The following CORO2B variants were observed in gnomAD, a reference collection of about 807,000 sequenced individuals.
CORO2B encodes the protein coronin 2B, also known as coronin-2B.
Under a neutral mutation model 58.8 loss-of-function variants are expected in CORO2B, and 26 were observed. That is an observed-to-expected ratio of 0.44 (90% CI 0.32 to 0.61). The LOEUF (loss-of-function observed/expected upper bound fraction) is 0.61, where lower values mean the gene tolerates loss of function less well. Ranked by LOEUF, CORO2B falls within the 20% of genes least tolerant of loss-of-function variation. The probability of loss-of-function intolerance (pLI) is 0.04; values close to 1 mark genes in which losing one functional copy is unlikely to be tolerated. For missense variants in CORO2B, 460 were observed against 645.1 expected, an observed-to-expected ratio of 0.71 and a Z score of 3.11; for synonymous variants, 242 against 253.8, an observed-to-expected ratio of 0.95 and a Z score of 0.44.
At chr15:68,523,140 C>T in the CORO2B span, among the ~76,000 whole-genome samples, 13 of 152,022 alleles carry the variant, frequency 8.6e-5, no homozygotes, top group Admixed American at 7.2e-4. Context: ...TTTCTTGGGT[C>T]GGCCACTCAT....
chr15:68,554,005 T>C, the CORO2B span, among the ~76,000 whole-genome samples: 3 of 152,092 alleles, frequency 2.0e-5, no homozygotes, highest in South Asian at 2.1e-4. Context: ...CAAGAATGGA[T>C]GGGGGAGACC....
chr15:68,660,254 T>G (rs769097821), intron 2 of CORO2B, among the ~76,000 whole-genome samples: 1 of 152,260 alleles, frequency 6.6e-6, no homozygotes, highest in Non-Finnish European at 1.5e-5. Context: ...TTGCTGGTGC[T>G]GCTTCTTCTA....
At chr15:68,651,810 G>A (rs1384515254) in intron 2 of CORO2B, among the ~76,000 whole-genome samples, 1 of 152,212 alleles carries the variant, frequency 6.6e-6, no homozygotes. Context: ...CCTGAGGGAG[G>A]CTCAGAACCT....
chr15:68,666,453 C>T (rs1300216627), intron 2 of CORO2B, among the ~76,000 whole-genome samples: 1 of 152,190 alleles, frequency 6.6e-6, no homozygotes, highest in East Asian at 1.9e-4. Context: ...CTCCACAGGA[C>T]CCAGGGAGTG....
At chr15:68,664,634 G>A (rs1017633740) in intron 2 of CORO2B, among the ~76,000 whole-genome samples, 8 of 152,044 alleles carry the variant, frequency 5.3e-5, no homozygotes, top group South Asian at 4.1e-4. Context: ...GGGACAGAGC[G>A]AGACTCTGTC....
intron 3 of CORO2B, among the ~76,000 whole-genome samples, chr15:68,699,180 G>A (rs1054297560): frequency 6.6e-6 from 1 of 152,146 alleles, no homozygotes; most frequent in African/African-American, 2.4e-5. Context: ...TCAGTGAGAG[G>A]AGCGGGCAGG....
chr15:68,711,270 C>T (rs1385369431), intron 4 of CORO2B, among the ~76,000 whole-genome samples: 1 of 152,222 alleles, frequency 6.6e-6, no homozygotes, highest in Non-Finnish European at 1.5e-5. Context: ...GGGCTGACCA[C>T]ATGGGACCTG....
intron 1 of CORO2B, among the ~76,000 whole-genome samples, chr15:68,583,142 A>C (rs897543377): frequency 6.6e-6 from 1 of 152,144 alleles, no homozygotes; most frequent in African/African-American, 2.4e-5. Context: ...CAGCCTGCTG[A>C]TAAGAGCCAG....
chr15:68,614,132 G>A (rs1900301285), intron 1 of CORO2B, among the ~76,000 whole-genome samples: 1 of 152,200 alleles, frequency 6.6e-6, no homozygotes, highest in Non-Finnish European at 1.5e-5. Flanking sequence ...ATCTCTGGGA[G>A]TGGTCCCTAG....
At chr15:68,657,612 G>A (rs1397634322) in intron 2 of CORO2B, among the ~76,000 whole-genome samples, 1 of 151,394 alleles carries the variant, frequency 6.6e-6, no homozygotes, top group Admixed American at 6.6e-5. Flanking sequence ...TACGCCCCAT[G>A]ATTGAGTGTA....
chr15:68,629,505 A>C (rs999486892), intron 1 of CORO2B, among the ~76,000 whole-genome samples: 5 of 152,222 alleles, frequency 3.3e-5, no homozygotes, highest in African/African-American at 9.6e-5. Context: ...AGGCCAGACT[A>C]TGCCAGTGGT....
At chr15:68,554,487 C>T in the CORO2B span, among the ~76,000 whole-genome samples, 2 of 152,268 alleles carry the variant, frequency 1.3e-5, no homozygotes, top group East Asian at 1.9e-4. Context: ...CCAGCCCAGG[C>T]ACCTTCCTTT....
chr15:68,619,230 A>G (rs1900448283), intron 1 of CORO2B, among the ~76,000 whole-genome samples: 2 of 152,184 alleles, frequency 1.3e-5, no homozygotes, highest in East Asian at 1.9e-4. Flanking sequence ...TTCAAGAGCT[A>G]TTAGCCTTTT....
At chr15:68,713,081 G>T (rs1398482880) in intron 5 of CORO2B, among the ~76,000 whole-genome samples, 1 of 152,116 alleles carries the variant, frequency 6.6e-6, no homozygotes, top group African/African-American at 2.4e-5. Context: ...ACTGTTGTGT[G>T]TTAGGAGGAA....
chr15:68,560,252 CTTTT>C, the CORO2B span, among the ~76,000 whole-genome samples: 1 of 151,830 alleles, frequency 6.6e-6, no homozygotes, highest in Non-Finnish European at 1.5e-5. Context: ...CTTTCTCTTT[CTTTT>C]TTCTTTTTCG....
At chr15:68,594,834 AG>A (rs1899787815) in intron 1 of CORO2B, among the ~76,000 whole-genome samples, 1 of 152,220 alleles carries the variant, frequency 6.6e-6, no homozygotes, top group Non-Finnish European at 1.5e-5. Flanking sequence ...AAAGCTTTTC[AG>A]CACATACTTT....
chr15:68,679,282 G>A (rs1177153843), intron 2 of CORO2B, among the ~76,000 whole-genome samples: 4 of 152,216 alleles, frequency 2.6e-5, no homozygotes, highest in Non-Finnish European at 5.9e-5. Flanking sequence ...TATAACCCCA[G>A]ACTGGCAGAG....
intron 1 of CORO2B, among the ~76,000 whole-genome samples, chr15:68,635,538 A>C (rs1253574356): frequency 6.6e-6 from 1 of 152,168 alleles, no homozygotes; most frequent in Admixed American, 6.5e-5. Context: ...GGAAGCTTGC[A>C]GTGTGGACCG....
chr15:68,610,096 G>T (rs1243399577), intron 1 of CORO2B, among the ~76,000 whole-genome samples: 1 of 152,098 alleles, frequency 6.6e-6, no homozygotes, highest in Non-Finnish European at 1.5e-5. Flanking sequence ...GGTGAATATC[G>T]CTGAGCTCCT....
Sources: allele counts gnomAD v4.1 joint callset (sites outside exome capture counted in the v4.1 genomes callset), GRCh38; gene constraint gnomAD v4.1.1; transcripts MANE v1.5; gene names NCBI Gene and HGNC (gene_info 2026-07-23, HGNC 2026-07-21).